The following MDN1 variants were observed in gnomAD, a reference collection of about 807,000 sequenced individuals.
The protein encoded by MDN1 is midasin AAA ATPase 1.
Under a neutral mutation model 669.2 loss-of-function variants are expected in MDN1, and 266 were observed. The ratio of observed to expected loss-of-function variants is 0.40; its 90% CI spans 0.36 to 0.44. The LOEUF is 0.44. Among genes scored for constraint, MDN1 ranks in the 20% least tolerant of loss-of-function variants. The pLI is 1.00. For synonymous variants in MDN1, 2,385 were observed against 2,457.1 expected, an observed-to-expected ratio of 0.97 and a Z score of 0.87; for missense variants, 5,940 against 6,754.0, an observed-to-expected ratio of 0.88 and a Z score of 4.22.
chr6:89,721,958 A>G (rs1211447766), intron 40 of MDN1, among the ~76,000 whole-genome samples: 1 of 152,164 alleles, frequency 6.6e-6, no homozygotes, highest in African/African-American at 2.4e-5. Flanking sequence ...ATTTTCAAAC[A>G]GTGAAGTTTA....
At chr6:89,738,882 A>G (rs1816141609) in intron 32 of MDN1, among the ~76,000 whole-genome samples, 1 of 152,202 alleles carries the variant, frequency 6.6e-6, no homozygotes, top group Non-Finnish European at 1.5e-5. Flanking sequence ...CTTCTTTTAC[A>G]TAGCTCAATG....
At chr6:89,701,329 G>A (rs1813147177) in intron 55 of MDN1, among the ~76,000 whole-genome samples, 1 of 152,172 alleles carries the variant, frequency 6.6e-6, no homozygotes, top group Admixed American at 6.5e-5. Context: ...AGGGTACATA[G>A]GTTATATACA....
chr6:89,719,167 C>G lies in MDN1; in HGVS notation c.6026G>C (p.Arg2009Thr). Residue 2009 changes from arginine (R) to threonine (T), a missense_variant, in exon 41 of 102, where the codon AGA becomes ACA. Physicochemically the swap from Arg to Thr is moderately conservative, Grantham distance 71. This residue lies in a region of MDN1 where 2,292 missense variants were observed against 2,638.3 expected (regional missense o/e 0.87). Transcript: ENST00000369393. Reference protein sequence around the residue: ...GSNSNPYMGTRLFRITPYDVQ... With the variant: ...GSNSNPYMGTTLFRITPYDVQ... ...ATCATAGGGAGTGATACGAAATAGT[C>G]TGGTTCCCATGTATGGGTTGGAATT... 6.2e-7 allele frequency: 1 copy of G among 1,613,920 alleles called. No individual in the cohort carries two copies. The highest frequency in any genetic ancestry group is 8.5e-7 in the Non-Finnish European group (1 of 1,179,788).
In MDN1 at chr6:89,787,871, C is replaced by A; in HGVS notation, c.1317G>T (p.Gln439His). 1.9e-6 allele frequency: 3 copies of A among 1,613,158 alleles called. No homozygotes were observed. Among genetic ancestry groups the A allele is most frequent in the Non-Finnish European group, 2.5e-6 (3 of 1,179,898 alleles). The change falls in exon 8 of 102, where the codon CAG becomes CAT. Residue 439 changes from glutamine to histidine, a missense_variant. Coordinates refer to ENST00000369393, the MANE Select transcript of MDN1 (RefSeq NM_014611.3). The part of the protein sequence containing the change: ...GDCLKVAPGF[Q>H]FFATRRLLSC... Reference sequence around the variant, plus strand: ...GTACATACCTCCTGGTTGCAAAAAACTGAAATCCAGGTGCCACTTTCAGAC... The same window carrying A: ...GTACATACCTCCTGGTTGCAAAAAAATGAAATCCAGGTGCCACTTTCAGAC...
intron 29 of MDN1, among the ~76,000 whole-genome samples, chr6:89,744,986 T>A (rs547375638): frequency 6.6e-6 from 1 of 151,044 alleles, no homozygotes; most frequent in South Asian, 2.1e-4. Context: ...TTTTTTTTTT[T>A]AGGGTACATG....
Position 89,787,645 on chromosome 6 carries a change from C to A in MDN1, c.1334+209G>T, listed in dbSNP as rs1819035314. ...AAGGTGAAGTGTTTTAAACTGGTTA[C>A]TTATTTTTAAGTCGGGGGGGGGACC... On this transcript the variant is annotated intron_variant, in intron 8 of 101. Coordinates refer to ENST00000369393, the MANE Select transcript of MDN1 (RefSeq NM_014611.3). Among the ~76,000 whole-genome samples the A allele has an allele frequency of 2.4e-5, 3 of 124,350 alleles. No individual in the cohort carries two copies. In the South Asian group the frequency reaches 7.8e-4, roughly 32 times the overall value. 81.6% of individuals were successfully genotyped at this position (124,350 alleles called of 152,430 possible).
intron 38 of MDN1, 84 bp downstream of exon 38, chr6:89,725,115 A>G: frequency 7.9e-7 from 1 of 1,262,724 alleles, no homozygotes; most frequent in Non-Finnish European, 1.1e-6. Flanking sequence ...TAATTCTCAT[A>G]GTGAATATCC....
At chr6:89,681,441 T>A (rs575720797) in intron 73 of MDN1, among the ~76,000 whole-genome samples, 1 of 152,344 alleles carries the variant, frequency 6.6e-6, no homozygotes, top group Non-Finnish European at 1.5e-5. Flanking sequence ...CCCAAAGTGC[T>A]GGGATTACAG....
intron 10 of MDN1, chr6:89,781,107 C>T (rs1209861950): frequency 2.6e-6 from 1 of 378,716 alleles, no homozygotes; most frequent in East Asian, 5.5e-5. Flanking sequence ...ATGTTAGGAG[C>T]CACTCCCAAG....
chr6:89,814,016 T>A (rs1768639383), intron 1 of MDN1, among the ~76,000 whole-genome samples: 2 of 151,496 alleles, frequency 1.3e-5, no homozygotes, highest in Non-Finnish European at 2.9e-5. Flanking sequence ...AGTAAGATGA[T>A]CAGTTGAACC....
At chr6:89,772,782 G>A in intron 13 of MDN1, 61 bp from the exon 14 acceptor site, 1 of 1,569,008 alleles carries the variant, frequency 6.4e-7, no homozygotes, top group Non-Finnish European at 8.7e-7. Context: ...GTTTTGCTCT[G>A]GGAAACCATA....
chr6:89,725,292 A>G lies in MDN1; in HGVS notation c.5577T>C (p.His1859=). ...PELGMSFQVQ[H]EKTKIFGCQN... is the part of the protein sequence containing the mutation. ...GACACCCAAAAATCTTCGTCTTTTCATGCTGCACTTGAAAGCTCATTCCTA... is the reference window on the plus strand; with the variant it reads ...GACACCCAAAAATCTTCGTCTTTTCGTGCTGCACTTGAAAGCTCATTCCTA... Residue 1859 remains histidine (H), a synonymous_variant, in exon 38 of 102, where the codon CAT becomes CAC. Transcript: ENST00000369393. 6.2e-7 allele frequency: 1 copy of G among 1,614,060 alleles called. No homozygotes were observed. The highest frequency in any genetic ancestry group is 8.5e-7 in the Non-Finnish European group (1 of 1,179,998).
chr6:89,723,428 T>C lies in MDN1; in HGVS notation c.5778+84A>G, dbSNP rs1240892042. 4 of 872,900 alleles carry C rather than the reference T, an allele frequency of 4.6e-6. No individual in the cohort carries two copies. In the African/African-American group the frequency reaches 5.2e-5, roughly 11 times the overall value. 54.1% of individuals were successfully genotyped at this position (872,900 alleles called of 1,614,324 possible). A position where few individuals can be genotyped will look rare whatever the true frequency, so the allele number is the denominator to read the frequency against. Reference sequence around the variant, plus strand: ...AATTTTTTTTAGTTAGAGATCCTGATAATTTGGTAGAACTCTATGTTGAAA... The same window carrying C: ...AATTTTTTTTAGTTAGAGATCCTGACAATTTGGTAGAACTCTATGTTGAAA... On this transcript the variant is annotated intron_variant, in intron 39 of 101. Transcript: ENST00000369393.
At chr6:89,659,896 T>A (rs1430450899) in intron 88 of MDN1, among the ~76,000 whole-genome samples, 1 of 152,216 alleles carries the variant, frequency 6.6e-6, no homozygotes, top group Non-Finnish European at 1.5e-5. Flanking sequence ...TTTATTTTTT[T>A]ATTTTTTTGA....
intron 40 of MDN1, among the ~76,000 whole-genome samples, chr6:89,719,854 T>C (rs573605420): frequency 2.0e-5 from 3 of 152,332 alleles, no homozygotes; most frequent in Non-Finnish European, 4.4e-5. Context: ...TTTATTCCTC[T>C]AACCAATTAT....
intron 76 of MDN1, 116 bp from the exon 77 acceptor site, chr6:89,676,323 G>T: frequency 1.2e-6 from 1 of 822,826 alleles, no homozygotes; most frequent in Non-Finnish European, 2.0e-6. Flanking sequence ...GTCTGAATAG[G>T]TTTATTTCTA....
Position 89,662,646 on chromosome 6 carries a change from T to C in MDN1, c.14412+146A>G, listed in dbSNP as rs911372283. 6 of 962,852 alleles carry C rather than the reference T, an allele frequency of 6.2e-6. 1 individual carries two copies. The highest frequency in any genetic ancestry group is 5.0e-5 in the African/African-American group (3 of 59,960). The allele number at this position is 962,852 out of a possible 1,614,324, so 59.6% of individuals were successfully genotyped here. A position where few individuals can be genotyped will look rare whatever the true frequency, so the allele number is the denominator to read the frequency against. On this transcript the variant is annotated intron_variant, in intron 86 of 101. Coordinates refer to ENST00000369393, the MANE Select transcript of MDN1 (RefSeq NM_014611.3). Reference sequence around the variant, plus strand: ...TTAGCTCTGAATGTAATCAATAAGATAGGATAGAAAAAAGAAAAAGAGGAA... The same window carrying C: ...TTAGCTCTGAATGTAATCAATAAGACAGGATAGAAAAAAGAAAAAGAGGAA...
intron 59 of MDN1, among the ~76,000 whole-genome samples, chr6:89,698,089 TAAAG>T (rs1201752241): frequency 6.6e-6 from 1 of 152,184 alleles, no homozygotes; most frequent in Non-Finnish European, 1.5e-5. Flanking sequence ...ATCTCCATGT[TAAAG>T]GAAACTAAAC....
At chr6:89,767,595 T>TAAAAAA (rs1206164889) in intron 15 of MDN1, among the ~76,000 whole-genome samples, 1 of 151,832 alleles carries the variant, frequency 6.6e-6, no homozygotes, top group African/African-American at 2.4e-5. Flanking sequence ...CTATCTCAAT[T>TAAAAAA]AAAAATACAA....
Sources: allele counts gnomAD v4.1 joint callset (sites outside exome capture counted in the v4.1 genomes callset), GRCh38; gene constraint gnomAD v4.1.1; regional missense constraint gnomAD v4.1.1; transcripts MANE v1.5; gene names NCBI Gene and HGNC (gene_info 2026-07-23, HGNC 2026-07-21).